The following RBMS3 variants were observed in gnomAD, a reference collection of about 807,000 sequenced individuals.
RBMS3 encodes the protein RNA binding motif single stranded interacting protein 3, also known as RNA-binding motif, single-stranded-interacting protein 3.
RBMS3 carries 27 observed loss-of-function variants against 66.8 expected under a neutral mutation model. The observed-to-expected ratio is 0.40, with a 90% CI of 0.30 to 0.56. The LOEUF is 0.56. RBMS3 is among the 20% of genes least tolerant of loss of function. The pLI, the probability that RBMS3 is intolerant of heterozygous loss-of-function variation, is 0.40. For synonymous variants in RBMS3, 188 were observed against 183.0 expected (o/e 1.03, Z -0.22); for missense variants, 513 against 549.5 (o/e 0.93, Z 0.66).
intron 1 of RBMS3, among the ~76,000 whole-genome samples, chr3:29,352,015 T>C (rs764566268): frequency 9.9e-5 from 15 of 152,038 alleles, no homozygotes; most frequent in Non-Finnish European, 1.8e-4. Context: ...GATTTGAAAT[T>C]TGGTTGCGTC....
At chr3:29,296,061 C>A (rs946548500) in intron 1 of RBMS3, among the ~76,000 whole-genome samples, 38 of 151,706 alleles carry the variant, frequency 2.5e-4, no homozygotes, top group Non-Finnish European at 2.9e-4. Context: ...TGAAAGGGAA[C>A]CCTCACATTT....
At chr3:29,959,618 G>A (rs1696279575) in intron 12 of RBMS3, among the ~76,000 whole-genome samples, 1 of 152,106 alleles carries the variant, frequency 6.6e-6, no homozygotes, top group Non-Finnish European at 1.5e-5. Context: ...TTTTCATGAT[G>A]CTGCGAAGAA....
intron 4 of RBMS3, among the ~76,000 whole-genome samples, chr3:29,618,942 A>G (rs73048470): frequency 0.17 from 25,899 of 152,166 alleles, 2,341 homozygotes; most frequent in African/African-American, 0.2. Flanking sequence ...CCCAAACAAA[A>G]GTAGGTAGGG....
chr3:29,537,403 A>T (rs779488196), intron 3 of RBMS3, among the ~76,000 whole-genome samples: 5 of 152,250 alleles, frequency 3.3e-5, no homozygotes, highest in Admixed American at 2.0e-4. Flanking sequence ...TGAAGTCAGT[A>T]CATGCTACTG....
At chr3:29,444,481 G>T (rs895299797) in intron 2 of RBMS3, among the ~76,000 whole-genome samples, 5 of 151,992 alleles carry the variant, frequency 3.3e-5, no homozygotes, top group Non-Finnish European at 7.4e-5. Flanking sequence ...AAGAGAATGA[G>T]AAACCAAGAA....
At chr3:29,337,752 A>G (rs902612345) in intron 1 of RBMS3, among the ~76,000 whole-genome samples, 1 of 152,182 alleles carries the variant, frequency 6.6e-6, no homozygotes, top group Non-Finnish European at 1.5e-5. Context: ...ATGTAATAAT[A>G]CAACCATCTG....
At chr3:29,907,145 G>T (rs891102623) in intron 10 of RBMS3, among the ~76,000 whole-genome samples, 2 of 152,054 alleles carry the variant, frequency 1.3e-5, no homozygotes, top group African/African-American at 4.8e-5. Flanking sequence ...GTCCTGCCAT[G>T]TATCCCACTC....
intron 4 of RBMS3, among the ~76,000 whole-genome samples, chr3:29,654,844 C>A (rs1227544587): frequency 6.6e-6 from 1 of 151,112 alleles, no homozygotes; most frequent in Non-Finnish European, 1.5e-5. Flanking sequence ...GCAATCTGCT[C>A]ACCTCAGCAT....
chr3:29,883,991 T>G (rs1404106942), intron 7 of RBMS3, among the ~76,000 whole-genome samples, 171 bp from the exon 8 acceptor site: 1 of 152,006 alleles, frequency 6.6e-6, no homozygotes, highest in Non-Finnish European at 1.5e-5. Context: ...ATATTCTGGT[T>G]TGTGGATAGT....
intron 12 of RBMS3, among the ~76,000 whole-genome samples, chr3:29,961,985 TAA>T (rs1044568773): frequency 1.8e-5 from 2 of 110,430 alleles, no homozygotes; most frequent in African/African-American, 5.6e-5. Flanking sequence ...TAATATATAT[TAA>T]TATATATAAT....
intron 5 of RBMS3, among the ~76,000 whole-genome samples, chr3:29,749,609 T>C (rs1387023319): frequency 6.6e-6 from 1 of 152,184 alleles, no homozygotes; most frequent in Admixed American, 6.5e-5. Flanking sequence ...TAAAGTCCTC[T>C]CTTCTTGAGG....
chr3:29,788,713 T>C (rs2056908980), intron 6 of RBMS3, among the ~76,000 whole-genome samples: 1 of 152,226 alleles, frequency 6.6e-6, no homozygotes, highest in South Asian at 2.1e-4. Context: ...AATGTCTGTA[T>C]CTTTTTTCTC....
chr3:29,941,254 C>T (rs2061387569), intron 11 of RBMS3, among the ~76,000 whole-genome samples: 1 of 151,692 alleles, frequency 6.6e-6, no homozygotes, highest in Non-Finnish European at 1.5e-5. Flanking sequence ...TCAGTCACAC[C>T]ACTCCTTCAC....
At chr3:29,818,936 T>C (rs969544818) in intron 6 of RBMS3, among the ~76,000 whole-genome samples, 3 of 152,154 alleles carry the variant, frequency 2.0e-5, no homozygotes, top group African/African-American at 7.2e-5. Flanking sequence ...CCCACATAAC[T>C]AAAATGCAAA....
intron 12 of RBMS3, among the ~76,000 whole-genome samples, chr3:29,957,812 T>C (rs559436952): frequency 3.5e-4 from 53 of 152,298 alleles, no homozygotes; most frequent in African/African-American, 1.2e-3. Flanking sequence ...ACCTCACACG[T>C]ACACCATTGC....
At chr3:29,484,681 G>T (rs559146265) in intron 2 of RBMS3, among the ~76,000 whole-genome samples, 1 of 152,286 alleles carries the variant, frequency 6.6e-6, no homozygotes, top group African/African-American at 2.4e-5. Context: ...TAAACTTGTA[G>T]GTGAAACGTG....
At chr3:29,360,592 T>C (rs2037520946) in intron 1 of RBMS3, among the ~76,000 whole-genome samples, 1 of 152,070 alleles carries the variant, frequency 6.6e-6, no homozygotes, top group Admixed American at 6.5e-5. Flanking sequence ...GTTCAATTCC[T>C]GGATATCCTT....
At chr3:29,992,804 A>ATGAGAAAATTGATCAGATAC in intron 14 of RBMS3, among the ~76,000 whole-genome samples, 1 of 151,928 alleles carries the variant, frequency 6.6e-6, no homozygotes, top group Non-Finnish European at 1.5e-5. Context: ...AATGTAGGGG[A>ATGAGAAAATTGATCAGATAC]TGAGAAAATT....
chr3:29,746,882 C>T (rs192919417), intron 5 of RBMS3, among the ~76,000 whole-genome samples: 7 of 152,210 alleles, frequency 4.6e-5, no homozygotes, highest in Admixed American at 1.3e-4. Context: ...TGACCACATA[C>T]GAAATAATGC....
Sources: allele counts gnomAD v4.1 joint callset (sites outside exome capture counted in the v4.1 genomes callset), GRCh38; gene constraint gnomAD v4.1.1; transcripts MANE v1.5; gene names NCBI Gene and HGNC (gene_info 2026-07-23, HGNC 2026-07-21).